The following SYNJ1 variants were observed in gnomAD, a reference collection of about 807,000 sequenced individuals.
SYNJ1 encodes the protein polyphosphatidylinositol phosphatase SYNJ1.
In SYNJ1, 78 loss-of-function variants were observed where a neutral mutation model predicts 168.2. The observed-to-expected ratio is 0.46, with a 90% confidence interval of 0.39 to 0.56. The LOEUF is 0.56. SYNJ1 is among the 20% of genes least tolerant of loss of function. SYNJ1 has a pLI of 0.00. For synonymous variants in SYNJ1, 539 were observed against 548.6 expected, an observed-to-expected ratio of 0.98 and a Z score of 0.24; for missense variants, 1,303 against 1,597.6, an observed-to-expected ratio of 0.82 and a Z score of 3.14.
chr21:32,725,478 C>A (rs2043411982), intron 2 of SYNJ1, among the ~76,000 whole-genome samples: 1 of 152,084 alleles, frequency 6.6e-6, no homozygotes, highest in South Asian at 2.1e-4. Flanking sequence ...AGACCTAGAG[C>A]CCCTTCTCCT....
chr21:32,673,596 T>C, intron 13 of SYNJ1, 65 bp from the exon 14 acceptor site: 3 of 1,384,286 alleles, frequency 2.2e-6, no homozygotes, highest in Non-Finnish European at 2.9e-6. Flanking sequence ...TTGATTTTCA[T>C]AACTGAGATA....
chr21:32,639,923 G>A lies in SYNJ1; in HGVS notation c.3589-144C>T, dbSNP rs112409829. ...TCATTTTAAGTGCTCTCTACTTGAA[G>A]CCATTATAATGATGAATTTTAAAAT... On this transcript the variant is annotated intron_variant, in intron 29 of 32. Transcript: ENST00000674351. 4.6e-5 allele frequency: 29 copies of A among 634,956 alleles called. 2 individuals carry two copies. The highest frequency in any genetic ancestry group is 3.3e-4 in the African/African-American group (18 of 54,500). The allele number at this position is 634,956 out of a possible 1,614,324, so 39.3% of individuals were successfully genotyped here. A position where few individuals can be genotyped will look rare whatever the true frequency, so the allele number is the denominator to read the frequency against.
rs750585610 is a variant in SYNJ1, at chr21:32,673,465, C to T, written c.1601G>A (p.Arg534Gln). The T allele has an allele frequency of 5.8e-5, 93 of 1,612,884 alleles. No homozygotes were observed. The highest frequency in any genetic ancestry group is 6.6e-5 in the Non-Finnish European group (78 of 1,179,540). The change falls in exon 14 of 33, where the codon CGA (arginine) becomes CAA (glutamine). Residue 534 changes from arginine to glutamine, a missense_variant. Arg to Gln is a conservative substitution (Grantham distance 43). Around this residue, in one of 2 missense-constraint regions of SYNJ1, gnomAD observed 920 missense variants for 1,208.8 expected, o/e 0.76. Transcript: ENST00000674351. ...FYKYSKPKKI[R>Q]VCVGTWNVNG... ...CACATTCCAGGTTCCGACACATACT[C>T]GAATTTTCTTAGGCTTTGAATATTT...
At chr21:32,720,506 G>A (rs1453125030) in intron 2 of SYNJ1, among the ~76,000 whole-genome samples, 1 of 152,118 alleles carries the variant, frequency 6.6e-6, no homozygotes, top group Non-Finnish European at 1.5e-5. Flanking sequence ...TATGACTTAT[G>A]TTGTAAGAAA....
chr21:32,651,403 A>G (rs1354109783), intron 22 of SYNJ1, among the ~76,000 whole-genome samples: 1 of 152,232 alleles, frequency 6.6e-6, no homozygotes, highest in Non-Finnish European at 1.5e-5. Flanking sequence ...AAAGTTGCTG[A>G]ACTGAGTGGC....
chr21:32,687,364 C>A (rs577180389), intron 7 of SYNJ1, among the ~76,000 whole-genome samples: 1 of 152,192 alleles, frequency 6.6e-6, no homozygotes, highest in East Asian at 1.9e-4. Flanking sequence ...CAGACACCAG[C>A]CATAAGCTTG....
chr21:32,645,695 G>A lies in SYNJ1; in HGVS notation c.3342C>T (p.Val1114=). Residue 1114 remains valine, a synonymous_variant, in exon 25 of 33, where the codon GTC becomes GTT. Coordinates refer to ENST00000674351, the MANE Select transcript of SYNJ1 (RefSeq NM_203446.3). ...GGGGAGCCGGGCGTGTGGGAGGGGC[G>A]ACCGGGCGGGGCGGCGGCGGCCGCT... The part of the protein sequence containing the change: ...EPKRPPPPRP[V]APPTRPAPPQ... The A allele has an allele frequency of 1.3e-6, 2 of 1,494,110 alleles. No homozygotes were observed. Among genetic ancestry groups the A allele is most frequent in the South Asian group, 1.4e-5 (1 of 72,818 alleles). The allele number at this position is 1,494,110 out of a possible 1,614,324, so 92.6% of individuals were successfully genotyped here. A position where few individuals can be genotyped will look rare whatever the true frequency, so the allele number is the denominator to read the frequency against.
chr21:32,670,265 G>A, intron 15 of SYNJ1, 23 bp downstream of exon 15: 1 of 1,604,176 alleles, frequency 6.2e-7, no homozygotes, highest in Admixed American at 1.7e-5. Context: ...AAATTTTTCA[G>A]TGGATTAATG....
intron 18 of SYNJ1, among the ~76,000 whole-genome samples, chr21:32,661,840 G>A (rs2040716188): frequency 1.3e-5 from 2 of 152,092 alleles, no homozygotes; most frequent in Non-Finnish European, 2.9e-5. Flanking sequence ...CTCCCCGAGA[G>A]TTAGGTGAAA....
rs772069799 is a variant in SYNJ1 at position 32,678,215 on chromosome 21, G to A, written c.1510+430C>T. ...CTTATTCAAACAATAGCAATTAAAA[G>A]TTAAGACCAAGTTACAGAAACTTTT... On this transcript the variant is annotated intron_variant, in intron 12 of 32. Coordinates refer to ENST00000674351, the MANE Select transcript of SYNJ1 (RefSeq NM_203446.3). Among the ~76,000 whole-genome samples the A allele has an allele frequency of 1.2e-4, 18 of 152,116 alleles. 1 individual carries two copies. The highest frequency in any genetic ancestry group is 2.0e-4 in the Admixed American group (3 of 15,254).
chr21:32,716,792 G>A (rs1009708488), intron 2 of SYNJ1, among the ~76,000 whole-genome samples: 2 of 152,104 alleles, frequency 1.3e-5, no homozygotes, highest in Admixed American at 1.3e-4. Flanking sequence ...ACCGGAAGTC[G>A]TCCTGCAGTT....
rs182699215 is a variant in SYNJ1, at chr21:32,657,113, A to T, written c.2469T>A (p.Asp823Glu). ...GAAAACTAGCATTTAGAAGATCTAGATCTTCAGCTGCAGTCAGAAGAAATG... is the reference window on the plus strand; with the variant it reads ...GAAAACTAGCATTTAGAAGATCTAGTTCTTCAGCTGCAGTCAGAAGAAATG... The part of the protein sequence containing the change: ...RKWPFDRSAE[D>E]LDLLNASFQD... Residue 823 changes from aspartate (D) to glutamate (E), a missense_variant, in exon 20 of 33, where the codon GAT becomes GAA. Coordinates refer to ENST00000674351, the MANE Select transcript of SYNJ1 (RefSeq NM_203446.3). 2.5e-6 allele frequency: 4 copies of T among 1,602,628 alleles called. No homozygotes were observed. In the South Asian group the frequency reaches 4.4e-5, roughly 18 times the overall value.
At chr21:32,727,031 G>GA (rs1317402872) in intron 1 of SYNJ1, 114 bp from the exon 2 acceptor site, 17 of 1,396,102 alleles carry the variant, frequency 1.2e-5, no homozygotes, top group South Asian at 8.5e-5. Flanking sequence ...GTTGGGGTGG[G>GA]AAAAAACAGA....
chr21:32,631,838 A>G (rs770924232), intron 32 of SYNJ1, 37 bp from the exon 33 acceptor site: 1 of 1,546,186 alleles, frequency 6.5e-7, no homozygotes, highest in Non-Finnish European at 8.8e-7. Context: ...ATCAGTTTAT[A>G]TTTACTCTTA....
In SYNJ1 at chr21:32,718,144, T is replaced by C. The variant is rs1036890261; in HGVS notation, c.124+8628A>G. On this transcript the variant is annotated intron_variant, in intron 2 of 32. Coordinates refer to ENST00000674351, the MANE Select transcript of SYNJ1 (RefSeq NM_203446.3). ...ATAGTCCTGAGTTACGTATATTTTA[T>C]AGGACAAGTTAGAACATCTGATAGA... Among the ~76,000 whole-genome samples the C allele has an allele frequency of 5.9e-5, 9 of 152,204 alleles. No homozygotes were observed. In the East Asian group the frequency reaches 7.7e-4, roughly 13 times the overall value.
chr21:32,723,694 G>A (rs545740302), intron 2 of SYNJ1, among the ~76,000 whole-genome samples: 75 of 152,248 alleles, frequency 4.9e-4, no homozygotes, highest in South Asian at 6.2e-4. Context: ...AGTCGTGTGC[G>A]CCTGTAGTCC....
intron 23 of SYNJ1, among the ~76,000 whole-genome samples, chr21:32,647,050 C>G (rs2040103117): frequency 6.6e-6 from 1 of 152,178 alleles, no homozygotes; most frequent in Admixed American, 6.5e-5. Context: ...TCCCTGCAAC[C>G]CTCACCCCAC....
chr21:32,677,400 G>A (rs2041454141), intron 12 of SYNJ1, among the ~76,000 whole-genome samples: 1 of 152,156 alleles, frequency 6.6e-6, no homozygotes, highest in South Asian at 2.1e-4. Flanking sequence ...CAGCAGAACT[G>A]ACTGTACTTT....
At chr21:32,652,416 G>T (rs943199243) in intron 22 of SYNJ1, among the ~76,000 whole-genome samples, 26 of 152,238 alleles carry the variant, frequency 1.7e-4, no homozygotes, top group Admixed American at 1.6e-3. Context: ...GGCCAGGCTG[G>T]TCTCAAACTC....
Sources: allele counts gnomAD v4.1 joint callset (sites outside exome capture counted in the v4.1 genomes callset), GRCh38; gene constraint gnomAD v4.1.1; regional missense constraint gnomAD v4.1.1; transcripts MANE v1.5; gene names NCBI Gene and HGNC (gene_info 2026-07-23, HGNC 2026-07-21).